Variants in CSMD1 observed in about 807,000 individuals in gnomAD.
CSMD1 encodes CUB and Sushi multiple domains 1.
CSMD1 carries 213 observed loss-of-function variants against 417.5 expected under a neutral mutation model. The ratio of observed to expected loss-of-function variants is 0.51; its 90% confidence interval spans 0.46 to 0.57. The LOEUF (loss-of-function observed/expected upper bound fraction) is 0.57. CSMD1 is among the 20% of genes least tolerant of loss of function. The probability of loss-of-function intolerance (pLI) is 0.00; values close to 1 mark genes in which losing one functional copy is unlikely to be tolerated. For missense variants in CSMD1, 6,923 were observed against 4,529.7 expected (o/e 1.53, Z -15.17); for synonymous variants, 2,862 against 1,736.8 (o/e 1.65, Z -16.11).
intron 5 of CSMD1, among the ~76,000 whole-genome samples, chr8:3,972,916 T>A (rs1370749949): frequency 6.6e-6 from 1 of 152,064 alleles, no homozygotes; most frequent in South Asian, 2.1e-4. Flanking sequence ...ACAACCTAAA[T>A]GGGCAAAGTA....
chr8:4,050,627 G>A (rs914684705), intron 3 of CSMD1, among the ~76,000 whole-genome samples: 2 of 151,830 alleles, frequency 1.3e-5, no homozygotes, highest in African/African-American at 4.8e-5. Flanking sequence ...TCATCCTGCG[G>A]TGCTATCAAA....
At chr8:3,401,845 C>A (rs1488301007) in intron 15 of CSMD1, among the ~76,000 whole-genome samples, 2 of 151,736 alleles carry the variant, frequency 1.3e-5, no homozygotes, top group South Asian at 2.1e-4. Context: ...TGATGGAGAC[C>A]AAAAATATTT....
intron 1 of CSMD1, among the ~76,000 whole-genome samples, chr8:4,802,888 G>A (rs1282167940): frequency 1.3e-5 from 2 of 152,160 alleles, no homozygotes; most frequent in Admixed American, 6.5e-5. Flanking sequence ...ATATCCGTGT[G>A]TTTTCAAATC....
At chr8:4,075,964 T>A (rs1799799875) in intron 3 of CSMD1, among the ~76,000 whole-genome samples, 1 of 152,204 alleles carries the variant, frequency 6.6e-6, no homozygotes, top group South Asian at 2.1e-4. Flanking sequence ...CCCTCTAAGT[T>A]TTAAAACATA....
At chr8:4,364,824 CAA>C (rs60925117) in intron 3 of CSMD1, among the ~76,000 whole-genome samples, 4 of 84,856 alleles carry the variant, frequency 4.7e-5, no homozygotes, top group Non-Finnish European at 1.1e-4. Context: ...GACTCCTTCT[CAA>C]AAAAAAAAAA....
At chr8:2,999,862 A>G in intron 53 of CSMD1, 96 bp downstream of exon 53, 2 of 1,054,614 alleles carry the variant, frequency 1.9e-6, no homozygotes, top group Non-Finnish European at 2.6e-6. Context: ...TCCCTTTTAC[A>G]GTGAAGATTA....
At chr8:4,189,975 C>G (rs1274805004) in intron 3 of CSMD1, among the ~76,000 whole-genome samples, 5 of 151,754 alleles carry the variant, frequency 3.3e-5, no homozygotes, top group African/African-American at 7.3e-5. Flanking sequence ...AAAGCAGAGA[C>G]TCGCCAGGTG....
chr8:4,763,249 A>T lies in CSMD1; in HGVS notation c.86-125691T>A, dbSNP rs186564815. Among the ~76,000 whole-genome samples, 46 of 152,342 alleles carry T rather than the reference A, an allele frequency of 3.0e-4. 3 individuals are homozygous for T. In the East Asian group the frequency reaches 8.1e-3, roughly 27 times the overall value. ...TTTCTTTCTGAAAACTCTTTTGGAC[A>T]AAGGAAGAACAGTCCTTCGTGAATT... On this transcript the variant is annotated intron_variant, in intron 1 of 69. Coordinates refer to ENST00000635120, the MANE Select transcript of CSMD1 (RefSeq NM_033225.6).
At chr8:4,239,917 T>G (rs972725313) in intron 3 of CSMD1, among the ~76,000 whole-genome samples, 4 of 152,104 alleles carry the variant, frequency 2.6e-5, no homozygotes, top group African/African-American at 9.7e-5. Context: ...TAAAATAGAG[T>G]TGAATTAGTA....
chr8:4,147,799 G>C (rs1017980245), intron 3 of CSMD1, among the ~76,000 whole-genome samples: 1 of 152,044 alleles, frequency 6.6e-6, no homozygotes, highest in African/African-American at 2.4e-5. Context: ...CCAATGTGCC[G>C]ACTCCAAAGC....
intron 3 of CSMD1, among the ~76,000 whole-genome samples, chr8:4,358,891 A>G (rs1396485779): frequency 6.6e-6 from 1 of 152,180 alleles, no homozygotes; most frequent in Non-Finnish European, 1.5e-5. Flanking sequence ...ATAAACCTAA[A>G]ACTACAGGAC....
intron 4 of CSMD1, among the ~76,000 whole-genome samples, chr8:4,028,820 T>A (rs1361745444): frequency 6.6e-6 from 1 of 152,232 alleles, no homozygotes; most frequent in Non-Finnish European, 1.5e-5. Flanking sequence ...CATTAAGACC[T>A]CAATAAATGT....
intron 1 of CSMD1, among the ~76,000 whole-genome samples, chr8:4,677,182 G>T (rs1238577394): frequency 6.7e-6 from 1 of 149,068 alleles, no homozygotes. Context: ...TCATTTATAT[G>T]GTCAGGTAAC....
chr8:4,464,733 C>G (rs959078025), intron 2 of CSMD1, among the ~76,000 whole-genome samples: 1 of 152,126 alleles, frequency 6.6e-6, no homozygotes, highest in Non-Finnish European at 1.5e-5. Flanking sequence ...CTGATTGGAT[C>G]ATCAGCATCC....
At chr8:3,178,978 C>G (rs1211309673) in intron 37 of CSMD1, among the ~76,000 whole-genome samples, 1 of 145,920 alleles carries the variant, frequency 6.9e-6, no homozygotes, top group Non-Finnish European at 1.5e-5. Context: ...GACGGAGTCT[C>G]ACTCTGTCAC....
At chr8:2,986,650 G>C (rs981764938) in intron 54 of CSMD1, among the ~76,000 whole-genome samples, 1 of 151,958 alleles carries the variant, frequency 6.6e-6, no homozygotes, top group Non-Finnish European at 1.5e-5. Flanking sequence ...GACTACAGGT[G>C]CCCACCACCA....
intron 7 of CSMD1, among the ~76,000 whole-genome samples, chr8:3,636,103 G>A (rs1471815748): frequency 6.6e-6 from 1 of 151,950 alleles, no homozygotes; most frequent in African/African-American, 2.4e-5. Context: ...GAAGTTTTGT[G>A]TTAAGAACTA....
chr8:4,902,304 G>A (rs10096062), intron 1 of CSMD1, among the ~76,000 whole-genome samples: 4,619 of 151,602 alleles, frequency 0.03, 177 homozygotes, highest in East Asian at 0.1. Flanking sequence ...TGGCATGATG[G>A]CACACGCCTC....
Position 3,187,866 on chromosome 8 carries a change from T to G in CSMD1, c.5620+3A>C. The G allele has an allele frequency of 1.2e-6, 2 of 1,611,370 alleles. No homozygotes were observed. Among genetic ancestry groups the G allele is most frequent in the Non-Finnish European group, 1.7e-6 (2 of 1,178,186 alleles). ...ACAGGTGAGGAAATTGACTCCATCT[T>G]ACCTGAGAAGCTTCCCAGTCTGGGT... On this transcript the variant is annotated splice_donor_region_variant and intron_variant, in intron 36 of 69. Transcript: ENST00000635120.
Sources: allele counts gnomAD v4.1 joint callset (sites outside exome capture counted in the v4.1 genomes callset), GRCh38; gene constraint gnomAD v4.1.1; transcripts MANE v1.5; gene names NCBI Gene and HGNC (gene_info 2026-07-23, HGNC 2026-07-21).